Variants in COL23A1 observed in about 807,000 individuals in gnomAD.
COL23A1 encodes the protein collagen alpha-1(XXIII) chain.
COL23A1 carries 97 observed loss-of-function variants against 99.3 expected under a neutral mutation model. The observed-to-expected ratio is 0.98, with a 90% CI of 0.83 to 1.16. The LOEUF (loss-of-function observed/expected upper bound fraction) is 1.16. Ranked by LOEUF, COL23A1 falls within the 50% of genes most tolerant of loss-of-function variation. COL23A1 has a pLI of 0.00. For synonymous variants in COL23A1, 320 were observed against 308.2 expected (o/e 1.04, Z -0.40); for missense variants, 762 against 757.4 (o/e 1.01, Z -0.07).
chr5:178,381,921 C>A (rs532892154), intron 2 of COL23A1, among the ~76,000 whole-genome samples: 1 of 152,366 alleles, frequency 6.6e-6, no homozygotes, highest in South Asian at 2.1e-4. Context: ...CAGGCACGAA[C>A]CATCACACCC....
At chr5:178,514,341 G>A (rs58787800) in intron 2 of COL23A1, among the ~76,000 whole-genome samples, 1,858 of 152,246 alleles carry the variant, frequency 0.012, 35 homozygotes, top group African/African-American at 0.04. Flanking sequence ...CTGCTCCCAC[G>A]TCTTGGCGAC....
intron 2 of COL23A1, among the ~76,000 whole-genome samples, chr5:178,470,455 G>A (rs1423386187): frequency 2.0e-5 from 3 of 152,154 alleles, no homozygotes; most frequent in Non-Finnish European, 4.4e-5. Context: ...AGGACGTGAG[G>A]ACTCCCAGCT....
chr5:178,454,112 G>C (rs572795017), intron 2 of COL23A1, among the ~76,000 whole-genome samples: 1 of 152,096 alleles, frequency 6.6e-6, no homozygotes, highest in Non-Finnish European at 1.5e-5. Context: ...ACAACATATG[G>C]ACAGTTAAGC....
At chr5:178,534,389 TGC>T (rs1467640247) in intron 2 of COL23A1, among the ~76,000 whole-genome samples, 4 of 152,204 alleles carry the variant, frequency 2.6e-5, no homozygotes, top group Non-Finnish European at 5.9e-5. Flanking sequence ...GTGAGGATTT[TGC>T]TGTACGAATT....
At chr5:178,381,382 G>A (rs1372153225) in intron 2 of COL23A1, among the ~76,000 whole-genome samples, 1 of 152,178 alleles carries the variant, frequency 6.6e-6, no homozygotes, top group East Asian at 1.9e-4. Context: ...TGGCGAGAAG[G>A]CTGAGAAGTG....
chr5:178,295,031 A>C (rs1757669833), intron 3 of COL23A1, among the ~76,000 whole-genome samples: 1 of 152,052 alleles, frequency 6.6e-6, no homozygotes, highest in Non-Finnish European at 1.5e-5. Flanking sequence ...AAACTAAAAA[A>C]CCAATTAGCC....
intron 2 of COL23A1, among the ~76,000 whole-genome samples, chr5:178,438,269 C>CT (rs1308152274): frequency 1.3e-5 from 2 of 152,190 alleles, no homozygotes; most frequent in Non-Finnish European, 2.9e-5. Flanking sequence ...CAAGTTACTG[C>CT]TTTAAGAGTT....
chr5:178,536,032 C>A (rs1018567400), intron 2 of COL23A1, among the ~76,000 whole-genome samples: 1 of 152,278 alleles, frequency 6.6e-6, no homozygotes, highest in Non-Finnish European at 1.5e-5. Flanking sequence ...TGCTGACAAC[C>A]CTCTGAGGTG....
chr5:178,490,447 A>T (rs999945105), intron 2 of COL23A1, among the ~76,000 whole-genome samples: 1 of 152,030 alleles, frequency 6.6e-6, no homozygotes, highest in Non-Finnish European at 1.5e-5. Flanking sequence ...TGAAGGGAGG[A>T]CGCGTGGGAA....
chr5:178,501,731 A>G (rs1441985558), intron 2 of COL23A1, among the ~76,000 whole-genome samples: 4 of 152,226 alleles, frequency 2.6e-5, no homozygotes, highest in Non-Finnish European at 5.9e-5. Context: ...GGGTAGCCTC[A>G]GACAAGGTTA....
At chr5:178,241,735 C>T (rs1764411630) in intron 27 of COL23A1, among the ~76,000 whole-genome samples, 1 of 152,252 alleles carries the variant, frequency 6.6e-6, no homozygotes, top group African/African-American at 2.4e-5. Flanking sequence ...CCCAAGATGG[C>T]CCACAGTGGG....
At chr5:178,400,034 A>G (rs1405967574) in intron 2 of COL23A1, among the ~76,000 whole-genome samples, 2 of 152,186 alleles carry the variant, frequency 1.3e-5, no homozygotes, top group African/African-American at 4.8e-5. Flanking sequence ...TCGGAGCCCA[A>G]TTGGAACACC....
chr5:178,363,779 A>G (rs1225818663), intron 2 of COL23A1, among the ~76,000 whole-genome samples: 2 of 152,220 alleles, frequency 1.3e-5, no homozygotes, highest in Admixed American at 6.5e-5. Context: ...GGAAACTGGC[A>G]TGGTTCTGAT....
intron 2 of COL23A1, among the ~76,000 whole-genome samples, chr5:178,475,156 A>G (rs925219163): frequency 3.6e-4 from 55 of 152,296 alleles, no homozygotes; most frequent in African/African-American, 1.2e-3. Flanking sequence ...GTACAACCTC[A>G]TCTTACCTTG....
intron 2 of COL23A1, among the ~76,000 whole-genome samples, chr5:178,374,013 G>A (rs1333091860): frequency 6.6e-6 from 1 of 152,136 alleles, no homozygotes; most frequent in Non-Finnish European, 1.5e-5. Flanking sequence ...TTTCTCTGTC[G>A]GTTGATTTGG....
chr5:178,368,997 G>C (rs539490881), intron 2 of COL23A1, among the ~76,000 whole-genome samples: 1 of 152,234 alleles, frequency 6.6e-6, no homozygotes, highest in African/African-American at 2.4e-5. Flanking sequence ...CTCAGTGTGT[G>C]TGCCCCTTCA....
intron 2 of COL23A1, among the ~76,000 whole-genome samples, chr5:178,364,625 G>A (rs923857884): frequency 2.6e-5 from 4 of 152,140 alleles, no homozygotes; most frequent in Non-Finnish European, 5.9e-5. Flanking sequence ...GTTCTAGAAG[G>A]GTGGTCGGGG....
At position 178,361,598 on chromosome 5, in the gene COL23A1, C is replaced by A. The variant is rs561961964; in HGVS notation, c.362-54679G>T. On this transcript the variant is annotated intron_variant, in intron 2 of 28. Coordinates refer to ENST00000390654, the MANE Select transcript of COL23A1 (RefSeq NM_173465.4). ...CCCCTGGCCTTGTCTCCATCATACA[C>A]CCCCCTACAGGACTCATGTTTTCCT... is the stretch of plus-strand genomic sequence containing the variant. Among the ~76,000 whole-genome samples, 12 of 152,204 alleles carry A rather than the reference C, an allele frequency of 7.9e-5. No homozygotes were observed. In the South Asian group the frequency reaches 1.5e-3, roughly 18 times the overall value.
chr5:178,288,430 A>G (rs1757273899), intron 4 of COL23A1, 80 bp from the exon 5 acceptor site: 3 of 1,230,180 alleles, frequency 2.4e-6, no homozygotes, highest in African/African-American at 1.5e-5. Flanking sequence ...ATCAGGGCCC[A>G]GACCCACACC....
Sources: gnomAD v4.1 joint callset for allele counts (sites outside exome capture counted in the v4.1 genomes callset) on GRCh38, gnomAD v4.1.1 for gene constraint, MANE v1.5 for transcripts, NCBI Gene and HGNC (gene_info 2026-07-23, HGNC 2026-07-21) for gene names.